The following PROZ variants were observed in gnomAD, a reference collection of about 807,000 sequenced individuals.
PROZ encodes the protein protein Z, vitamin K dependent plasma glycoprotein.
Under a neutral mutation model 34.9 loss-of-function variants are expected in PROZ, and 46 were observed. The observed-to-expected ratio is 1.32, with a 90% CI of 1.04 to 1.69. The LOEUF is 1.69. Ranked by LOEUF, PROZ falls within the 40% of genes most tolerant of loss-of-function variation. PROZ has a pLI of 0.00. For missense variants in PROZ, 530 were observed against 520.4 expected (o/e 1.02, Z -0.18); for synonymous variants, 195 against 208.5 (o/e 0.94, Z 0.56).
chr13:113,170,299 C>T (rs1019399573), intron 6 of PROZ, 114 bp from the exon 7 acceptor site: 16 of 508,774 alleles, frequency 3.1e-5, no homozygotes, highest in Admixed American at 1.9e-4. Flanking sequence ...CTGCCTTTGG[C>T]GGGGGGTGGG....
intron 3 of PROZ, 136 bp downstream of exon 3, chr13:113,161,108 G>A: frequency 1.2e-6 from 1 of 828,466 alleles, no homozygotes; most frequent in Non-Finnish European, 2.1e-6. Flanking sequence ...TCTCTCCAGG[G>A]AAGGGCAGCT....
intron 4 of PROZ, among the ~76,000 whole-genome samples, chr13:113,163,806 G>A (rs1023469235): frequency 1.3e-4 from 19 of 151,324 alleles, no homozygotes; most frequent in African/African-American, 4.6e-4. Context: ...CAGCTGCTCA[G>A]CCACCACCGA....
At position 113,170,309 on chromosome 13, in the gene PROZ, G is replaced by A. The variant is rs2037072676; in HGVS notation, c.574-104G>A. ...GCTGTCTGCCTTTGGCGGGGGGTGG[G>A]GGTGGGGGTGGGGGGGTGGTCCATA... On this transcript the variant is annotated intron_variant, in intron 6 of 7. Coordinates refer to ENST00000375547, the MANE Select transcript of PROZ (RefSeq NM_003891.3). 1.3e-5 allele frequency: 9 copies of A among 693,626 alleles called. No homozygotes were observed. The Admixed American group carries it at 1.6e-4, about 13-fold the overall frequency. The allele number at this position is 693,626 out of a possible 1,614,324, so 43.0% of individuals were successfully genotyped here. A position where few individuals can be genotyped will look rare whatever the true frequency, so the allele number is the denominator to read the frequency against.
intron 6 of PROZ, among the ~76,000 whole-genome samples, chr13:113,165,811 G>A (rs777201487): frequency 6.6e-5 from 10 of 152,116 alleles, no homozygotes; most frequent in Non-Finnish European, 1.2e-4. Flanking sequence ...GATTACAGGC[G>A]TGAGCCACCA....
In PROZ at chr13:113,165,131, G is replaced by A. The variant is rs1339446890; in HGVS notation, c.573+11G>A. The A allele has an allele frequency of 8.1e-6, 13 of 1,608,414 alleles. No individual in the cohort carries two copies. Among genetic ancestry groups the A allele is most frequent in the African/African-American group, 2.7e-5 (2 of 74,862 alleles). On this transcript the variant is annotated intron_variant, in intron 6 of 7. Coordinates refer to ENST00000375547, the MANE Select transcript of PROZ (RefSeq NM_003891.3). ...GACCTCCCGTGGCAGGTAACAGAGC[G>A]CTCTCCGCGTGCTTCAATTTATTGT...
At position 113,164,458 on chromosome 13, in the gene PROZ, G is replaced by A. The variant is rs759599332; in HGVS notation, c.374-55G>A. 1.1e-4 allele frequency: 172 copies of A among 1,591,250 alleles called. 1 individual carries two copies. Among genetic ancestry groups the A allele is most frequent in the Non-Finnish European group, 1.4e-4 (162 of 1,163,566 alleles). On this transcript the variant is annotated intron_variant, in intron 4 of 7. Transcript: ENST00000375547. ...AACACACAGAACTGTGTGCAAGGCTGTGATAAAATGACTATTTCCAAGCTA... is the reference window on the plus strand; with the variant it reads ...AACACACAGAACTGTGTGCAAGGCTATGATAAAATGACTATTTCCAAGCTA...
intron 6 of PROZ, among the ~76,000 whole-genome samples, chr13:113,169,131 G>T (rs2037035564): frequency 6.6e-6 from 1 of 152,014 alleles, no homozygotes; most frequent in African/African-American, 2.4e-5. Flanking sequence ...CTCAGAGATG[G>T]TCTGTTCATT....
chr13:113,163,037 C>G lies in PROZ; in HGVS notation c.288C>G (p.Cys96Trp). 1 of 1,560,492 alleles carries G rather than the reference C, an allele frequency of 6.4e-7. No individual in the cohort carries two copies. Among genetic ancestry groups the G allele is most frequent in the Non-Finnish European group, 8.7e-7 (1 of 1,151,602 alleles). The change falls in exon 4 of 8, where the codon TGC becomes TGG. Residue 96 changes from cysteine to tryptophan, a missense_variant. Coordinates refer to ENST00000375547, the MANE Select transcript of PROZ (RefSeq NM_003891.3). ...GCTCCCCGTGCATCTCCCAGCCCTG[C>G]CTCCACAACGGCTCTTGCCAGGACA... ...KGGSPCISQPCLHNGSCQDSI... is the reference protein window; with the variant it reads ...KGGSPCISQPWLHNGSCQDSI...
At chr13:113,163,420 G>A (rs935697273) in intron 4 of PROZ, among the ~76,000 whole-genome samples, 4 of 151,994 alleles carry the variant, frequency 2.6e-5, no homozygotes, top group Admixed American at 2.6e-4. Flanking sequence ...CTCACAGGCT[G>A]GGGGGGTCAC....
Position 113,160,188 on chromosome 13 carries a change from C to A in PROZ, c.234+11C>A, listed in dbSNP as rs3024720. 6.2e-7 allele frequency: 1 copy of A among 1,613,476 alleles called. No individual in the cohort carries two copies. Among genetic ancestry groups the A allele is most frequent in the South Asian group, 1.1e-5 (1 of 91,060 alleles). On this transcript the variant is annotated intron_variant, in intron 2 of 7. Transcript: ENST00000375547. ...AATGAAGTAGTCACTGTATGTACCC[C>A]CACCACAAACCACAGGCCTCCTCAT... is the stretch of plus-strand genomic sequence containing the variant.
intron 4 of PROZ, among the ~76,000 whole-genome samples, chr13:113,164,303 T>C (rs1201812230): frequency 6.6e-6 from 1 of 152,040 alleles, no homozygotes. Flanking sequence ...TTGTTCTACA[T>C]GCACATTCCT....
rs1194397003 is a variant in PROZ, at chr13:113,165,065, G to A, written c.518G>A (p.Cys173Tyr). 2 of 1,613,392 alleles carry A rather than the reference G, an allele frequency of 1.2e-6. No individual in the cohort carries two copies. Among genetic ancestry groups the A allele is most frequent in the South Asian group, 1.1e-5 (1 of 91,088 alleles). Residue 173 changes from cysteine (C) to tyrosine (Y), a missense_variant, in exon 6 of 8, where the codon TGC becomes TAC. Transcript: ENST00000375547. ...KQCVPHDQCA[C>Y]GVLTSEKRAP... The stretch of plus-strand genomic sequence containing the variant: ...GCCGCAAATGCAGACCAGTGTGCCT[G>A]CGGGGTGCTGACCTCTGAGAAGCGT...
Position 113,159,105 on chromosome 13 carries a change from C to G in PROZ, c.70+375C>G. The stretch of plus-strand genomic sequence containing the variant: ...CAGACTGCAATGTGGGCAGAGAGAG[C>G]CTTGGCCAGGCCAGCCAGGAATGCC... On this transcript the variant is annotated intron_variant, in intron 1 of 7. Transcript: ENST00000375547. The surrounding 1 kb of genome is among the most constrained non-coding windows in gnomAD (Gnocchi z 4.6). The G allele has an allele frequency of 9.7e-7, 1 of 1,034,118 alleles. No homozygotes were observed. The highest frequency in any genetic ancestry group is 1.5e-6 in the Non-Finnish European group (1 of 684,368). The allele number at this position is 1,034,118 out of a possible 1,614,324, so 64.1% of individuals were successfully genotyped here. A position where few individuals can be genotyped will look rare whatever the true frequency, so the allele number is the denominator to read the frequency against.
intron 6 of PROZ, among the ~76,000 whole-genome samples, chr13:113,165,910 C>G (rs1026350125): frequency 6.6e-6 from 1 of 152,170 alleles, no homozygotes; most frequent in African/African-American, 2.4e-5. Flanking sequence ...TCAGCTATTT[C>G]TCCCTCCTCA....
rs796637304 is a variant in PROZ, at chr13:113,164,890, G to A, written c.506-163G>A. Reference sequence around the variant, plus strand: ...TGCTGTGAGGGGTGGTTTAACTCCAGTCTGTGTGTCTGTGAATTACTGCAC... The same window carrying A: ...TGCTGTGAGGGGTGGTTTAACTCCAATCTGTGTGTCTGTGAATTACTGCAC... On this transcript the variant is annotated intron_variant, in intron 5 of 7. Coordinates refer to ENST00000375547, the MANE Select transcript of PROZ (RefSeq NM_003891.3). 3 of 937,728 alleles carry A rather than the reference G, an allele frequency of 3.2e-6. No homozygotes were observed. In the African/African-American group the frequency reaches 4.9e-5, roughly 15 times the overall value. The allele number at this position is 937,728 out of a possible 1,614,324, so 58.1% of individuals were successfully genotyped here. A position where few individuals can be genotyped will look rare whatever the true frequency, so the allele number is the denominator to read the frequency against.
chr13:113,164,444 C>G, intron 4 of PROZ, 69 bp from the exon 5 acceptor site: 1 of 1,554,818 alleles, frequency 6.4e-7, no homozygotes, highest in South Asian at 1.1e-5. Flanking sequence ...ACACACAGAA[C>G]TGTGTGCAAG....
intron 2 of PROZ, among the ~76,000 whole-genome samples, chr13:113,160,449 C>G (rs555082487): frequency 2.0e-5 from 3 of 152,272 alleles, no homozygotes; most frequent in Admixed American, 1.3e-4. Flanking sequence ...GATCAGACAC[C>G]CAGCATACAT....
In PROZ at chr13:113,158,750, G is replaced by A. The variant is rs3024710; in HGVS notation, c.70+20G>A. 1,344 of 1,585,834 alleles carry A rather than the reference G, an allele frequency of 8.5e-4. 2 individuals are homozygous for A. The African/African-American group carries it at 0.016, about 19-fold the overall frequency. ...CCTCAGGTAGGCATCTGGCTTACCT[G>A]TCTGTTGTGCCTGTGCTGTGTCTTT... On this transcript the variant is annotated intron_variant, in intron 1 of 7. Transcript: ENST00000375547. This position sits in a 1 kb window ranked among gnomAD's most constrained non-coding sequence, Gnocchi z 4.3.
intron 5 of PROZ, 35 bp from the exon 6 acceptor site, chr13:113,165,018 T>C: frequency 6.2e-7 from 1 of 1,606,872 alleles, no homozygotes; most frequent in Middle Eastern, 1.7e-4. Context: ...GAGAAGGCGC[T>C]GATTTTTATT....
Sources: gnomAD v4.1 joint callset for allele counts (sites outside exome capture counted in the v4.1 genomes callset) on GRCh38, gnomAD v4.1.1 for gene constraint, Gnocchi (gnomAD v3.1) non-coding constraint, MANE v1.5 for transcripts, NCBI Gene and HGNC (gene_info 2026-07-23, HGNC 2026-07-21) for gene names.